Variants in TESK2 observed in about 807,000 individuals in gnomAD.
TESK2 encodes dual specificity testis-specific protein kinase 2.
Under a neutral mutation model 57.1 loss-of-function variants are expected in TESK2, and 39 were observed. The observed-to-expected ratio is 0.68, with a 90% confidence interval of 0.53 to 0.89. The LOEUF is 0.89. Ranked by LOEUF, TESK2 falls within the 40% of genes least tolerant of loss-of-function variation. The pLI, the probability that TESK2 is intolerant of heterozygous loss-of-function variation, is 0.00. For missense variants in TESK2, 646 were observed against 732.1 expected, an observed-to-expected ratio of 0.88 and a Z score of 1.36; for synonymous variants, 249 against 267.9, an observed-to-expected ratio of 0.93 and a Z score of 0.69.
At chr1:45,425,480 C>G (rs11211108) in intron 2 of TESK2, among the ~76,000 whole-genome samples, 16 of 151,790 alleles carry the variant, frequency 1.1e-4, no homozygotes, top group Non-Finnish European at 2.2e-4. Context: ...TAGTGAGACA[C>G]TATCTCTACA....
At position 45,346,005 on chromosome 1, in the gene TESK2, C is replaced by T; in HGVS notation, c.880-11G>A. ...CAGTTTGGGATCCATCTGTAGGTAT[C>T]CACAACAGCCATGAGCTCTGCCCTC... On this transcript the variant is annotated splice_polypyrimidine_tract_variant and intron_variant, in intron 9 of 10. Coordinates refer to ENST00000372086, the MANE Select transcript of TESK2 (RefSeq NM_007170.3). 1 of 1,595,996 alleles carries T rather than the reference C, an allele frequency of 6.3e-7. No individual in the cohort carries two copies. Among genetic ancestry groups the T allele is most frequent in the Non-Finnish European group, 8.6e-7 (1 of 1,163,504 alleles).
At position 45,344,888 on chromosome 1, in the gene TESK2, G is replaced by C. The variant is rs56030694; in HGVS notation, c.1668C>G (p.Phe556Leu). The C allele has an allele frequency of 3.5e-5, 57 of 1,613,724 alleles. No homozygotes were observed. The highest frequency in any genetic ancestry group is 4.7e-5 in the Non-Finnish European group (56 of 1,180,054). The change falls in exon 11 of 11, where the codon TTC (phenylalanine) becomes TTG (leucine). Residue 556 changes from phenylalanine to leucine, a missense_variant. By Grantham distance (22) the Phe-to-Leu change is conservative. Transcript: ENST00000372086. ...TTTGCAGGCCTATGCCTGAGGTGGAGAAGGTGGCTGGAGTTGAGCCTGCTG... is the reference window on the plus strand; with the variant it reads ...TTTGCAGGCCTATGCCTGAGGTGGACAAGGTGGCTGGAGTTGAGCCTGCTG... ...ERPAGSTPAT[F>L]STSGIGLQTQ...
At position 45,462,020 on chromosome 1, in the gene TESK2, T is replaced by C. The variant is rs574247371; in HGVS notation, c.-86-4149A>G. 3.3e-5 allele frequency among the ~76,000 whole-genome samples: 5 copies of C among 152,256 alleles called. No individual in the cohort carries two copies. The South Asian group carries it at 1.0e-3, about 32-fold the overall frequency. On this transcript the variant is annotated intron_variant, in intron 1 of 10. Transcript: ENST00000372086. Reference sequence around the variant, plus strand: ...TTCTGTTGTGCTATCAAATACTAAATCTTATTCATTCTATCTAACTATATT... The same window carrying C: ...TTCTGTTGTGCTATCAAATACTAAACCTTATTCATTCTATCTAACTATATT...
chr1:45,440,720 A>C (rs562192868), intron 2 of TESK2, among the ~76,000 whole-genome samples: 45 of 145,126 alleles, frequency 3.1e-4, no homozygotes, highest in African/African-American at 1.1e-3. Context: ...GGTCTCAAAA[A>C]AAAAAAACAA....
At chr1:45,459,225 C>T (rs1652238006) in intron 1 of TESK2, among the ~76,000 whole-genome samples, 1 of 152,182 alleles carries the variant, frequency 6.6e-6, no homozygotes, top group Non-Finnish European at 1.5e-5. Context: ...AACTCAGAAG[C>T]TGCTGGCCAG....
chr1:45,376,727 G>A (rs775005332), intron 4 of TESK2, among the ~76,000 whole-genome samples: 8 of 152,030 alleles, frequency 5.3e-5, no homozygotes, highest in Non-Finnish European at 1.2e-4. Flanking sequence ...AGAGAGATAA[G>A]GACATTCCTA....
chr1:45,378,084 C>T (rs906251053), intron 4 of TESK2, among the ~76,000 whole-genome samples: 4 of 151,830 alleles, frequency 2.6e-5, no homozygotes, highest in African/African-American at 9.7e-5. Context: ...GGGAAGGTAA[C>T]CAAGCTAAGC....
At chr1:45,439,790 C>CA (rs1256733284) in intron 2 of TESK2, among the ~76,000 whole-genome samples, 2 of 151,940 alleles carry the variant, frequency 1.3e-5, no homozygotes, top group East Asian at 3.9e-4. Flanking sequence ...CCCCATCTCT[C>CA]AAAAAAATTT....
chr1:45,345,646 C>G (rs1647131102), intron 10 of TESK2, 88 bp from the exon 11 acceptor site: 16 of 1,245,616 alleles, frequency 1.3e-5, no homozygotes, highest in Non-Finnish European at 1.8e-5. Context: ...CTCATGAAAG[C>G]AAAGCTGATA....
At position 45,457,735 on chromosome 1, in the gene TESK2, C is replaced by A; in HGVS notation, c.51G>T (p.Glu17Asp). ...CACCTCCTTCAAACTCTTCAAGACG[C>A]TCCACACGTGGAGGAAATCCTGCAA... ...NSIAGFPPRV[E>D]RLEEFEGGGG... The change falls in exon 2 of 11, where the codon GAG becomes GAT. Residue 17 changes from glutamate to aspartate, a missense_variant. Glu to Asp is a conservative substitution (Grantham distance 45, BLOSUM62 2). Coordinates refer to ENST00000372086, the MANE Select transcript of TESK2 (RefSeq NM_007170.3). 6.2e-7 allele frequency: 1 copy of A among 1,614,196 alleles called. No homozygotes were observed. The highest frequency in any genetic ancestry group is 1.1e-5 in the South Asian group (1 of 91,090).
At chr1:45,467,822 T>C (rs1652615417) in intron 1 of TESK2, among the ~76,000 whole-genome samples, 1 of 152,128 alleles carries the variant, frequency 6.6e-6, no homozygotes, top group Non-Finnish European at 1.5e-5. Flanking sequence ...TATCTTAGGC[T>C]AAAACTTCAA....
chr1:45,351,581 A>C lies in TESK2; in HGVS notation c.541-3581T>G, dbSNP rs60781097. Among the ~76,000 whole-genome samples the C allele has an allele frequency of 5.4e-3, 818 of 152,344 alleles. 8 individuals carry two copies. Among genetic ancestry groups the C allele is most frequent in the African/African-American group, 0.019 (772 of 41,586 alleles). On this transcript the variant is annotated intron_variant, in intron 5 of 10. Transcript: ENST00000372086. ...TTCTTCTCTCTGTCCTGGTTTACCC[A>C]CTTGGAACATGTTACCTCTACTTTA... is the stretch of plus-strand genomic sequence containing the variant.
At chr1:45,385,136 C>T (rs1648837197) in intron 4 of TESK2, among the ~76,000 whole-genome samples, 1 of 152,174 alleles carries the variant, frequency 6.6e-6, no homozygotes, top group Non-Finnish European at 1.5e-5. Context: ...GAATCTAGAA[C>T]ATAGATTCTC....
intron 4 of TESK2, among the ~76,000 whole-genome samples, chr1:45,381,557 C>T (rs936288143): frequency 6.6e-6 from 1 of 152,170 alleles, no homozygotes; most frequent in Non-Finnish European, 1.5e-5. Context: ...AAAGTTCTCC[C>T]AGCAAATTTC....
At chr1:45,480,658 T>C (rs1355794718) in intron 1 of TESK2, among the ~76,000 whole-genome samples, 2 of 151,076 alleles carry the variant, frequency 1.3e-5, no homozygotes, top group Non-Finnish European at 2.9e-5. Context: ...TGCAGGTGAT[T>C]AAAAAGAAAA....
chr1:45,393,318 G>A (rs546818993), intron 3 of TESK2, among the ~76,000 whole-genome samples: 1 of 152,214 alleles, frequency 6.6e-6, no homozygotes, highest in African/African-American at 2.4e-5. Context: ...TCACAATCGT[G>A]TCACACAACT....
chr1:45,477,599 G>A (rs1336174232), intron 1 of TESK2, among the ~76,000 whole-genome samples: 1 of 151,810 alleles, frequency 6.6e-6, no homozygotes, highest in African/African-American at 2.4e-5. Flanking sequence ...TCCAGCCTGG[G>A]CAGCTGAACG....
chr1:45,431,831 A>T (rs1360846247), intron 2 of TESK2, among the ~76,000 whole-genome samples: 1 of 152,208 alleles, frequency 6.6e-6, no homozygotes, highest in Non-Finnish European at 1.5e-5. Flanking sequence ...CAGAGGAATA[A>T]GAGCATGGGA....
At chr1:45,418,291 C>T (rs2149285864) in intron 3 of TESK2, among the ~76,000 whole-genome samples, 1 of 152,132 alleles carries the variant, frequency 6.6e-6, no homozygotes, top group South Asian at 2.1e-4. Flanking sequence ...AATATCAAAG[C>T]CTCATCTACC....
Sources: gnomAD v4.1 joint callset for allele counts (sites outside exome capture counted in the v4.1 genomes callset) on GRCh38, gnomAD v4.1.1 for gene constraint, MANE v1.5 for transcripts, NCBI Gene and HGNC (gene_info 2026-07-23, HGNC 2026-07-21) for gene names.